Variants in STAU2 observed in about 807,000 individuals in gnomAD.
The protein encoded by STAU2 is staufen double-stranded RNA binding protein 2.
A neutral mutation model predicts 65.9 loss-of-function variants in STAU2; 20 were observed. That is an observed-to-expected ratio of 0.30 (90% CI 0.21 to 0.44). The LOEUF is 0.44. STAU2 is among the 20% of genes least tolerant of loss of function. The pLI, the probability that STAU2 is intolerant of heterozygous loss-of-function variation, is 1.00. For synonymous variants in STAU2, 232 were observed against 233.9 expected (o/e 0.99, Z 0.07); for missense variants, 558 against 683.9 (o/e 0.82, Z 2.05).
intron 6 of STAU2, among the ~76,000 whole-genome samples, chr8:73,620,918 T>C (rs528208988): frequency 3.3e-5 from 5 of 152,192 alleles, no homozygotes; most frequent in Non-Finnish European, 5.9e-5. Flanking sequence ...TGCATCCAGA[T>C]TGAATTACAG....
intron 3 of STAU2, among the ~76,000 whole-genome samples, chr8:73,734,226 A>G (rs1806266358): frequency 7.5e-6 from 1 of 133,680 alleles, no homozygotes; most frequent in Admixed American, 8.2e-5. Flanking sequence ...TTTGTTTTTC[A>G]GGGTTTGTTT....
At chr8:73,590,234 A>T (rs1810673678) in intron 11 of STAU2, among the ~76,000 whole-genome samples, 1 of 152,018 alleles carries the variant, frequency 6.6e-6, no homozygotes. Flanking sequence ...GGGTGGGAAA[A>T]GAGTACAGGG....
intron 6 of STAU2, among the ~76,000 whole-genome samples, chr8:73,665,627 G>C (rs1395779031): frequency 6.6e-6 from 1 of 152,120 alleles, no homozygotes; most frequent in Non-Finnish European, 1.5e-5. Flanking sequence ...CACCCAGTCT[G>C]TATGTTGTTT....
At chr8:73,450,330 T>A (rs1818736848) in intron 13 of STAU2, among the ~76,000 whole-genome samples, 1 of 152,216 alleles carries the variant, frequency 6.6e-6, no homozygotes, top group African/African-American at 2.4e-5. Context: ...CACATTTTTA[T>A]CTTATGTAGT....
chr8:73,627,216 G>T (rs1813723857), intron 6 of STAU2, among the ~76,000 whole-genome samples: 1 of 47,662 alleles, frequency 2.1e-5, no homozygotes, highest in African/African-American at 7.1e-5. Context: ...GGCGGGGGGG[G>T]GGGGGGAGGG....
chr8:73,603,612 A>G lies in STAU2; in HGVS notation c.1029+114T>C, dbSNP rs115810988. ...GAGCCTGGACAGAATGAATGCTTTA[A>G]CTGGAAACAGTTTTACTTTCTGCTC... On this transcript the variant is annotated intron_variant, in intron 10 of 14. Transcript: ENST00000524300. 2.8e-3 allele frequency: 3,776 copies of G among 1,370,234 alleles called. 84 individuals are homozygous for G. The African/African-American group carries it at 0.046, about 17-fold the overall frequency. 84.9% of individuals were successfully genotyped at this position (1,370,234 alleles called of 1,614,324 possible).
At chr8:73,577,014 A>G (rs1809610928) in intron 12 of STAU2, among the ~76,000 whole-genome samples, 1 of 152,200 alleles carries the variant, frequency 6.6e-6, no homozygotes. Flanking sequence ...AAATTTCAGC[A>G]TACATTTCAG....
intron 2 of STAU2, among the ~76,000 whole-genome samples, 183 bp downstream of exon 2, chr8:73,739,573 G>A (rs565837960): frequency 6.6e-6 from 1 of 152,114 alleles, no homozygotes; most frequent in Non-Finnish European, 1.5e-5. Context: ...ACAAACTAGA[G>A]TCCATTCAAA....
intron 12 of STAU2, among the ~76,000 whole-genome samples, chr8:73,575,878 A>G (rs1364334368): frequency 6.6e-6 from 1 of 152,120 alleles, no homozygotes; most frequent in Non-Finnish European, 1.5e-5. Flanking sequence ...TAATGAGGAC[A>G]AAAAATACGG....
chr8:73,463,150 A>G (rs1033780557), intron 13 of STAU2, among the ~76,000 whole-genome samples: 14 of 152,214 alleles, frequency 9.2e-5, no homozygotes, highest in Non-Finnish European at 1.5e-5. Context: ...CTTACTAGAA[A>G]GTGACAAGAT....
chr8:73,450,305 C>G (rs1186747424), intron 13 of STAU2, among the ~76,000 whole-genome samples: 1 of 152,132 alleles, frequency 6.6e-6, no homozygotes, highest in East Asian at 1.9e-4. Flanking sequence ...GTCGACATAA[C>G]TTAGGAAAAT....
intron 6 of STAU2, among the ~76,000 whole-genome samples, chr8:73,636,420 T>C (rs928808316): frequency 4.0e-5 from 6 of 151,850 alleles, no homozygotes; most frequent in Non-Finnish European, 7.4e-5. Flanking sequence ...AGGAACATAA[T>C]AGAATCTAGG....
chr8:73,519,493 G>A (rs556634490), intron 13 of STAU2, among the ~76,000 whole-genome samples: 16 of 152,244 alleles, frequency 1.1e-4, no homozygotes, highest in Admixed American at 1.0e-3. Flanking sequence ...TTAGAACAAT[G>A]AAAAGTTATA....
chr8:73,747,472 G>A, upstream of STAU2: 1 of 1,534,056 alleles, frequency 6.5e-7, no homozygotes, highest in East Asian at 2.5e-5. Context: ...GCTGTGCAAC[G>A]CACGGTTTAG....
chr8:73,575,929 C>T (rs537703728), intron 12 of STAU2, among the ~76,000 whole-genome samples: 128 of 151,664 alleles, frequency 8.4e-4, no homozygotes, highest in Non-Finnish European at 1.7e-3. Context: ...ATTTAAAAAC[C>T]CCAGTAAAAA....
intron 12 of STAU2, among the ~76,000 whole-genome samples, chr8:73,566,769 T>C (rs939312682): frequency 3.9e-5 from 6 of 152,202 alleles, no homozygotes; most frequent in Admixed American, 3.9e-4. Flanking sequence ...TCCAACCTTT[T>C]CACACTTAAG....
intron 13 of STAU2, among the ~76,000 whole-genome samples, chr8:73,492,060 GA>G (rs1821179321): frequency 6.6e-6 from 1 of 151,716 alleles, no homozygotes. Flanking sequence ...ACACCACCAA[GA>G]AGTAGAGGTG....
chr8:73,744,775 T>C (rs1807157943), intron 1 of STAU2, among the ~76,000 whole-genome samples: 1 of 152,196 alleles, frequency 6.6e-6, no homozygotes, highest in Non-Finnish European at 1.5e-5. Flanking sequence ...GGGAAAAATA[T>C]TTTGTGTGTG....
intron 4 of STAU2, among the ~76,000 whole-genome samples, chr8:73,697,806 G>A (rs577358170): frequency 5.9e-5 from 9 of 152,276 alleles, no homozygotes; most frequent in African/African-American, 1.7e-4. Flanking sequence ...TTGCACCGGC[G>A]CAGTGGCTCA....
Sources: allele counts gnomAD v4.1 joint callset (sites outside exome capture counted in the v4.1 genomes callset), GRCh38; gene constraint gnomAD v4.1.1; transcripts MANE v1.5; gene names NCBI Gene and HGNC (gene_info 2026-07-23, HGNC 2026-07-21).